The following PDE8A variants were observed in gnomAD, a reference collection of about 807,000 sequenced individuals.
The protein encoded by PDE8A is high affinity cAMP-specific and IBMX-insensitive 3',5'-cyclic phosphodiesterase 8A.
Under a neutral mutation model 105.0 loss-of-function variants are expected in PDE8A, and 59 were observed. The observed-to-expected ratio is 0.56, with a 90% confidence interval of 0.46 to 0.70. The LOEUF (loss-of-function observed/expected upper bound fraction) is 0.70. Among genes scored for constraint, PDE8A ranks in the 30% least tolerant of loss-of-function variants. The probability of loss-of-function intolerance (pLI) is 0.00; values close to 1 mark genes in which losing one functional copy is unlikely to be tolerated. For synonymous variants in PDE8A, 355 were observed against 371.9 expected (o/e 0.95, Z 0.52); for missense variants, 1,014 against 1,045.9 (o/e 0.97, Z 0.42).
chr15:84,992,172 C>T (rs2079896283), intron 1 of PDE8A, among the ~76,000 whole-genome samples: 1 of 152,074 alleles, frequency 6.6e-6, no homozygotes, highest in Non-Finnish European at 1.5e-5. Context: ...AACAATTAGT[C>T]CTTTCTGGAA....
intron 1 of PDE8A, among the ~76,000 whole-genome samples, chr15:85,023,243 A>G (rs1412600777): frequency 6.6e-6 from 1 of 152,220 alleles, no homozygotes; most frequent in Non-Finnish European, 1.5e-5. Context: ...GTGGGGAATA[A>G]GAGCATTGTC....
At chr15:85,068,885 T>TA (rs1773573600) in intron 3 of PDE8A, among the ~76,000 whole-genome samples, 3 of 152,194 alleles carry the variant, frequency 2.0e-5, no homozygotes, top group African/African-American at 7.2e-5. Context: ...TGTTAAAAAT[T>TA]GTGGTAAAAG....
chr15:85,138,660 A>C lies in PDE8A; in HGVS notation c.*757A>C, dbSNP rs2082452533. ...CTTTTCTGATTGAGGCTAACTGGAAAAAGCTGGGGTCGTATTCTAAGTGCT... is the reference window on the plus strand; with the variant it reads ...CTTTTCTGATTGAGGCTAACTGGAACAAGCTGGGGTCGTATTCTAAGTGCT... On this transcript the variant is annotated 3_prime_UTR_variant, in exon 22 of 22. Transcript: ENST00000394553. The C allele has an allele frequency of 6.6e-6, 1 of 152,340 alleles. No individual in the cohort carries two copies. The allele number at this position is 152,340 out of a possible 1,614,324, so 9.4% of individuals were successfully genotyped here. A position where few individuals can be genotyped will look rare whatever the true frequency, so the allele number is the denominator to read the frequency against.
At chr15:84,998,339 G>A (rs1231302494) in intron 1 of PDE8A, among the ~76,000 whole-genome samples, 2 of 152,128 alleles carry the variant, frequency 1.3e-5, no homozygotes, top group African/African-American at 2.4e-5. Context: ...CACTCCCTTT[G>A]GTCACTGAGA....
chr15:85,035,353 C>T (rs1190963926), intron 1 of PDE8A, among the ~76,000 whole-genome samples: 3 of 151,768 alleles, frequency 2.0e-5, no homozygotes, highest in South Asian at 4.2e-4. Context: ...GGATTACAGG[C>T]GCCCGCCACC....
At chr15:85,025,781 A>C (rs2080506376) in intron 1 of PDE8A, among the ~76,000 whole-genome samples, 1 of 152,334 alleles carries the variant, frequency 6.6e-6, no homozygotes, top group Middle Eastern at 3.4e-3. Flanking sequence ...CTTTGGCACA[A>C]GGACATCAGG....
intron 1 of PDE8A, among the ~76,000 whole-genome samples, chr15:84,988,465 G>T (rs1251553130): frequency 6.6e-6 from 1 of 152,232 alleles, no homozygotes; most frequent in Admixed American, 6.5e-5. Flanking sequence ...GTTAACTCCT[G>T]AAGCTAGATA....
At chr15:85,091,292 AG>A in intron 8 of PDE8A, 111 bp downstream of exon 8, 1 of 880,110 alleles carries the variant, frequency 1.1e-6, no homozygotes, top group African/African-American at 1.7e-5. Flanking sequence ...CCAGCAGCCC[AG>A]GGAAGTATAG....
At chr15:85,056,351 GGCCT>G (rs2081059935) in intron 1 of PDE8A, among the ~76,000 whole-genome samples, 1 of 152,092 alleles carries the variant, frequency 6.6e-6, no homozygotes, top group Non-Finnish European at 1.5e-5. Context: ...TTTGAATGTT[GGCCT>G]GCCTTGGTAG....
intron 12 of PDE8A, 40 bp from the exon 13 acceptor site, chr15:85,113,337 A>G (rs2304422): frequency 0.48 from 746,973 of 1,551,120 alleles, 183,842 homozygotes; most frequent in African/African-American, 0.75. Context: ...AGGTGCCCAG[A>G]GTTGTGCATG....
intron 1 of PDE8A, among the ~76,000 whole-genome samples, chr15:85,021,183 G>A (rs1201656903): frequency 2.0e-5 from 3 of 152,074 alleles, no homozygotes; most frequent in Non-Finnish European, 2.9e-5. Context: ...TGAAGAGTAG[G>A]CCCTCACCAG....
At chr15:85,080,169 T>C (rs1674021576) in intron 5 of PDE8A, among the ~76,000 whole-genome samples, 1 of 152,160 alleles carries the variant, frequency 6.6e-6, no homozygotes, top group African/African-American at 2.4e-5. Context: ...AAATACAGTT[T>C]TATATAAAAA....
At chr15:85,104,343 G>A (rs543904311) in intron 11 of PDE8A, among the ~76,000 whole-genome samples, 1 of 152,288 alleles carries the variant, frequency 6.6e-6, no homozygotes, top group South Asian at 2.1e-4. Flanking sequence ...AGGACAAGAT[G>A]GGAGAAGCAG....
chr15:85,126,522 A>AT, intron 20 of PDE8A, 148 bp downstream of exon 20: 1 of 493,066 alleles, frequency 2.0e-6, no homozygotes, highest in Non-Finnish European at 3.3e-6. Context: ...ACTGGTAACA[A>AT]ATTTTTTTTT....
At chr15:85,102,148 G>A (rs929024484) in intron 11 of PDE8A, among the ~76,000 whole-genome samples, 35 of 152,094 alleles carry the variant, frequency 2.3e-4, no homozygotes, top group Non-Finnish European at 4.4e-5. Context: ...GAGGAGGGGT[G>A]AGGTGGATTC....
At chr15:85,074,241 G>A (rs1382072795) in intron 3 of PDE8A, among the ~76,000 whole-genome samples, 1 of 152,214 alleles carries the variant, frequency 6.6e-6, no homozygotes, top group Non-Finnish European at 1.5e-5. Context: ...CTACAGGCAA[G>A]AATGGGCAAA....
intron 3 of PDE8A, 131 bp downstream of exon 3, chr15:85,067,335 G>A: frequency 1.7e-6 from 1 of 584,296 alleles, no homozygotes; most frequent in Non-Finnish European, 2.9e-6. Context: ...CAAAATATTA[G>A]AACCTCACTA....
At chr15:85,091,546 C>T (rs559841928) in intron 8 of PDE8A, among the ~76,000 whole-genome samples, 10 of 152,260 alleles carry the variant, frequency 6.6e-5, no homozygotes, top group Non-Finnish European at 1.3e-4. Context: ...AACATCTGAG[C>T]CCAAGATTTC....
intron 1 of PDE8A, among the ~76,000 whole-genome samples, chr15:85,003,538 C>T (rs1309052137): frequency 6.6e-6 from 1 of 152,130 alleles, no homozygotes; most frequent in Non-Finnish European, 1.5e-5. Flanking sequence ...AATAGCTGTC[C>T]CTGCACTGGG....
Sources: gnomAD v4.1 joint callset for allele counts (sites outside exome capture counted in the v4.1 genomes callset) on GRCh38, gnomAD v4.1.1 for gene constraint, MANE v1.5 for transcripts, NCBI Gene and HGNC (gene_info 2026-07-23, HGNC 2026-07-21) for gene names.